The following DOK5 variants were observed in gnomAD, a reference collection of about 807,000 sequenced individuals.
DOK5 encodes docking protein 5.
Under a neutral mutation model 43.3 loss-of-function variants are expected in DOK5, and 27 were observed. The observed-to-expected ratio is 0.62, with a 90% confidence interval of 0.46 to 0.86. DOK5 has a LOEUF of 0.86. DOK5 is among the 40% of genes least tolerant of loss of function. DOK5 has a pLI of 0.00. For missense variants in DOK5, 373 were observed against 392.9 expected, an observed-to-expected ratio of 0.95 and a Z score of 0.43; for synonymous variants, 146 against 140.1, an observed-to-expected ratio of 1.04 and a Z score of -0.30.
In DOK5 at chr20:54,483,795, A is replaced by G. The variant is rs542750047; in HGVS notation, c.66+7783A>G. Among the ~76,000 whole-genome samples, 6 of 152,354 alleles carry G rather than the reference A, an allele frequency of 3.9e-5. No individual in the cohort carries two copies. The South Asian group carries it at 1.2e-3, about 32-fold the overall frequency. On this transcript the variant is annotated intron_variant, in intron 1 of 7. Coordinates refer to ENST00000262593, the MANE Select transcript of DOK5 (RefSeq NM_018431.5). ...TTAAAATAGCTTCTTTCTAGAATGC[A>G]GATGGCTACATTTTGGATAAGTATT...
chr20:54,551,115 C>T (rs2146725319), intron 1 of DOK5, among the ~76,000 whole-genome samples: 1 of 152,194 alleles, frequency 6.6e-6, no homozygotes, highest in South Asian at 2.1e-4. Flanking sequence ...TATTGGTAGC[C>T]ATTGTGGTTT....
chr20:54,569,543 G>A (rs1041325413), intron 2 of DOK5, among the ~76,000 whole-genome samples: 1 of 152,154 alleles, frequency 6.6e-6, no homozygotes, highest in African/African-American at 2.4e-5. Context: ...GTTTGTGGAC[G>A]AAACAGTCTT....
chr20:54,642,135 T>C (rs1979150878), intron 6 of DOK5, among the ~76,000 whole-genome samples: 1 of 152,120 alleles, frequency 6.6e-6, no homozygotes, highest in African/African-American at 2.4e-5. Flanking sequence ...CGTTCACCTT[T>C]CCTTTTATTC....
In DOK5 at chr20:54,502,314, T is replaced by C. The variant is rs902603916; in HGVS notation, c.66+26302T>C. 2.0e-5 allele frequency among the ~76,000 whole-genome samples: 3 copies of C among 152,206 alleles called. 1 individual carries two copies. Among genetic ancestry groups the C allele is most frequent in the South Asian group, 4.1e-4 (2 of 4,828 alleles). The stretch of plus-strand genomic sequence containing the variant: ...TGAGTATCTTCTATGTATAAGGTAA[T>C]TCTTTGTACCAGGAGATAACTGGTG... On this transcript the variant is annotated intron_variant, in intron 1 of 7. Coordinates refer to ENST00000262593, the MANE Select transcript of DOK5 (RefSeq NM_018431.5).
intron 1 of DOK5, among the ~76,000 whole-genome samples, chr20:54,485,262 C>T (rs1981884484): frequency 1.3e-5 from 2 of 148,880 alleles, no homozygotes; most frequent in Non-Finnish European, 3.0e-5. Flanking sequence ...TTGCAGTGAG[C>T]GGCGGAGGTT....
chr20:54,591,431 T>C (rs1008935929), intron 4 of DOK5, among the ~76,000 whole-genome samples, 185 bp from the exon 5 acceptor site: 8 of 152,248 alleles, frequency 5.3e-5, no homozygotes, highest in African/African-American at 1.4e-4. Flanking sequence ...TGTTATTTAA[T>C]AGGATCTGCA....
chr20:54,483,601 C>CA (rs1981813065), intron 1 of DOK5, among the ~76,000 whole-genome samples: 2 of 152,068 alleles, frequency 1.3e-5, no homozygotes, highest in African/African-American at 4.8e-5. Context: ...TGAGGAAGGG[C>CA]AAATTTGATT....
At chr20:54,502,932 C>G (rs1307804903) in intron 1 of DOK5, among the ~76,000 whole-genome samples, 5 of 151,922 alleles carry the variant, frequency 3.3e-5, no homozygotes, top group Non-Finnish European at 7.4e-5. Context: ...ACTAGAATTG[C>G]AAATTAAAGT....
intron 1 of DOK5, among the ~76,000 whole-genome samples, chr20:54,519,095 C>G: frequency 6.6e-6 from 1 of 152,194 alleles, no homozygotes; most frequent in Non-Finnish European, 1.5e-5. Context: ...AGCACTTTTA[C>G]ATAATCCCTA....
At chr20:54,648,802 G>A (rs1979563044) in intron 7 of DOK5, among the ~76,000 whole-genome samples, 1 of 152,176 alleles carries the variant, frequency 6.6e-6, no homozygotes, top group Non-Finnish European at 1.5e-5. Flanking sequence ...GGAAGTGGGA[G>A]ACTAGCCCCA....
At chr20:54,576,103 A>G (rs1251997340) in intron 2 of DOK5, among the ~76,000 whole-genome samples, 1 of 152,210 alleles carries the variant, frequency 6.6e-6, no homozygotes, top group Non-Finnish European at 1.5e-5. Context: ...AGAATAAAAG[A>G]GGACTGAAAA....
intron 5 of DOK5, 122 bp downstream of exon 5, chr20:54,591,927 G>A (rs1460866360): frequency 1.3e-6 from 1 of 792,270 alleles, no homozygotes; most frequent in Admixed American, 3.4e-5. Flanking sequence ...GTACACTTGA[G>A]GAAATTCATA....
chr20:54,620,284 G>T lies in DOK5; in HGVS notation c.735+9761G>T, dbSNP rs554935963. ...GACAGAGTCTTGCTCTGTTGCCCAGGCTGGAGTGCAGCGGTGCAATCTCGG... is the reference window on the plus strand; with the variant it reads ...GACAGAGTCTTGCTCTGTTGCCCAGTCTGGAGTGCAGCGGTGCAATCTCGG... On this transcript the variant is annotated intron_variant, in intron 6 of 7. Transcript: ENST00000262593. 9.7e-4 allele frequency among the ~76,000 whole-genome samples: 147 copies of T among 152,300 alleles called. 1 individual carries two copies. The highest frequency in any genetic ancestry group is 3.4e-3 in the African/African-American group (143 of 41,562).
rs536081325 is a variant in DOK5, at chr20:54,626,610, A to G, written c.735+16087A>G. ...AATTCCTAACCTTGTTAAGAAGTTCACATGTACCTTTCCATGTTTTCCTGT... is the reference window on the plus strand; with the variant it reads ...AATTCCTAACCTTGTTAAGAAGTTCGCATGTACCTTTCCATGTTTTCCTGT... On this transcript the variant is annotated intron_variant, in intron 6 of 7. Transcript: ENST00000262593. Among the ~76,000 whole-genome samples the G allele has an allele frequency of 4.6e-5, 7 of 152,308 alleles. No individual in the cohort carries two copies. In the East Asian group the frequency reaches 1.3e-3, roughly 29 times the overall value.
At chr20:54,629,998 A>G (rs1157169258) in intron 6 of DOK5, among the ~76,000 whole-genome samples, 1 of 152,156 alleles carries the variant, frequency 6.6e-6, no homozygotes, top group Non-Finnish European at 1.5e-5. Context: ...CCCTGTAGCT[A>G]TGAGCTATGG....
At chr20:54,540,556 C>T (rs1336606094) in intron 1 of DOK5, among the ~76,000 whole-genome samples, 5 of 152,134 alleles carry the variant, frequency 3.3e-5, no homozygotes, top group Admixed American at 1.3e-4. Flanking sequence ...GTTTCTGTTG[C>T]CCAGGCTGGA....
chr20:54,584,600 G>A (rs1177360170), intron 2 of DOK5, among the ~76,000 whole-genome samples: 1 of 150,480 alleles, frequency 6.6e-6, no homozygotes, highest in East Asian at 1.9e-4. Context: ...AACATTACAT[G>A]TAATGTAATG....
At chr20:54,646,248 G>GTTTTTTTTTTTTTTTTTGTTTT (rs1979416649) in intron 7 of DOK5, among the ~76,000 whole-genome samples, 1 of 79,922 alleles carries the variant, frequency 1.3e-5, no homozygotes, top group African/African-American at 5.3e-5. Context: ...TGGTTATACT[G>GTTTTTTTTTTTTTTTTTGTTTT]TTTTTTTTTT....
At chr20:54,623,423 T>A (rs1987047302) in intron 6 of DOK5, among the ~76,000 whole-genome samples, 1 of 152,138 alleles carries the variant, frequency 6.6e-6, no homozygotes, top group African/African-American at 2.4e-5. Context: ...ACCCAGCTTC[T>A]GTTTGCCTTG....
Sources: gnomAD v4.1 joint callset for allele counts (sites outside exome capture counted in the v4.1 genomes callset) on GRCh38, gnomAD v4.1.1 for gene constraint, MANE v1.5 for transcripts, NCBI Gene and HGNC (gene_info 2026-07-23, HGNC 2026-07-21) for gene names.